Variants in AKAP6 observed in about 807,000 individuals in gnomAD.
AKAP6 encodes the protein A-kinase anchor protein 6.
AKAP6 carries 58 observed loss-of-function variants against 188.5 expected under a neutral mutation model. The observed-to-expected ratio is 0.31, with a 90% CI of 0.25 to 0.38. The LOEUF (loss-of-function observed/expected upper bound fraction) is 0.38, where lower values mean the gene tolerates loss of function less well. AKAP6 is among the 10% of genes least tolerant of loss of function. The pLI, the probability that AKAP6 is intolerant of heterozygous loss-of-function variation, is 1.00. For missense variants in AKAP6, 2,710 were observed against 2,740.0 expected (o/e 0.99, Z 0.24); for synonymous variants, 989 against 998.6 (o/e 0.99, Z 0.18).
chr14:32,741,115 A>G (rs2031655766), intron 11 of AKAP6, among the ~76,000 whole-genome samples: 1 of 143,200 alleles, frequency 7.0e-6, no homozygotes, highest in Admixed American at 7.0e-5. Flanking sequence ...AATTCCTGGT[A>G]TTTAATTTTA....
intron 9 of AKAP6, among the ~76,000 whole-genome samples, chr14:32,699,058 TC>T (rs1489295793): frequency 2.0e-5 from 3 of 152,148 alleles, no homozygotes; most frequent in Non-Finnish European, 4.4e-5. Context: ...CCTAGGTTGA[TC>T]CCCAAGGTAT....
intron 3 of AKAP6, among the ~76,000 whole-genome samples, chr14:32,540,407 C>T: frequency 6.6e-6 from 1 of 151,792 alleles, no homozygotes; most frequent in Non-Finnish European, 1.5e-5. Flanking sequence ...CCATGTTGCC[C>T]AGGTTAGTCT....
At chr14:32,404,758 A>G (rs1029684499) in intron 1 of AKAP6, among the ~76,000 whole-genome samples, 2 of 132,558 alleles carry the variant, frequency 1.5e-5, no homozygotes, top group African/African-American at 5.6e-5. Context: ...AAATTGGGTA[A>G]TTTTCAGAGT....
chr14:32,690,905 G>T (rs796389948), intron 8 of AKAP6, among the ~76,000 whole-genome samples: 2 of 152,082 alleles, frequency 1.3e-5, no homozygotes, highest in African/African-American at 2.4e-5. Context: ...ATACATTTTG[G>T]TTAAATGTTT....
At chr14:32,582,546 A>C (rs566968953) in intron 5 of AKAP6, among the ~76,000 whole-genome samples, 1 of 152,156 alleles carries the variant, frequency 6.6e-6, no homozygotes, top group African/African-American at 2.4e-5. Flanking sequence ...GCCTTGCTAG[A>C]CTGGGGAAGT....
chr14:32,588,289 A>C (rs1885338774), intron 5 of AKAP6, among the ~76,000 whole-genome samples: 1 of 152,132 alleles, frequency 6.6e-6, no homozygotes, highest in Non-Finnish European at 1.5e-5. Context: ...GCAGCTCCTT[A>C]ATATTTTATT....
At position 32,811,724 on chromosome 14, in the gene AKAP6, A is replaced by G. The variant is rs555301606; in HGVS notation, c.3589-9678A>G. 1.1e-4 allele frequency among the ~76,000 whole-genome samples: 17 copies of G among 152,300 alleles called. No individual in the cohort carries two copies. In the South Asian group the frequency reaches 3.5e-3, roughly 32 times the overall value. On this transcript the variant is annotated intron_variant, in intron 12 of 13. Transcript: ENST00000280979. The stretch of plus-strand genomic sequence containing the variant: ...TTTTTTACTTGAGAAGCCTTATATC[A>G]GAACTGTAAAGGGCACGGTTCCTAA...
At position 32,478,268 on chromosome 14, in the gene AKAP6, C is replaced by G. The variant is rs764526672; in HGVS notation, c.324+44451C>G. Reference sequence around the variant, plus strand: ...CGTACGTGTGCCCACAAGCCAAGTCCCTGTGTGATTGCCATCAGATGTGTC... The same window carrying G: ...CGTACGTGTGCCCACAAGCCAAGTCGCTGTGTGATTGCCATCAGATGTGTC... On this transcript the variant is annotated intron_variant, in intron 2 of 13. Coordinates refer to ENST00000280979, the MANE Select transcript of AKAP6 (RefSeq NM_004274.5). Among the ~76,000 whole-genome samples, 4 of 152,130 alleles carry G rather than the reference C, an allele frequency of 2.6e-5. No homozygotes were observed. In the South Asian group the frequency reaches 6.2e-4, roughly 24 times the overall value.
intron 3 of AKAP6, among the ~76,000 whole-genome samples, chr14:32,540,523 G>A (rs1198420998): frequency 1.3e-5 from 2 of 151,964 alleles, no homozygotes. Context: ...TTAAATGGAG[G>A]TATATTTAAG....
At chr14:32,589,462 A>T (rs1314567456) in intron 5 of AKAP6, among the ~76,000 whole-genome samples, 1 of 152,136 alleles carries the variant, frequency 6.6e-6, no homozygotes, top group Non-Finnish European at 1.5e-5. Flanking sequence ...GGTATGTGGG[A>T]ATGGTAGCGT....
chr14:32,628,418 T>C (rs1385413712), intron 7 of AKAP6, among the ~76,000 whole-genome samples: 1 of 151,294 alleles, frequency 6.6e-6, no homozygotes, highest in Non-Finnish European at 1.5e-5. Context: ...TGGGTCTTTA[T>C]TAGAATTTCA....
chr14:32,678,231 A>G (rs762605413), intron 7 of AKAP6, 80 bp from the exon 8 acceptor site: 10 of 1,452,230 alleles, frequency 6.9e-6, no homozygotes, highest in Non-Finnish European at 9.3e-6. Flanking sequence ...AAGAATTCCC[A>G]TTCTTTGAGT....
Position 32,735,716 on chromosome 14 carries a change from G to C in AKAP6, c.3206G>C (p.Arg1069Pro), listed in dbSNP as rs771837413. Residue 1069 changes from arginine to proline, a missense_variant, in exon 11 of 14, where the codon CGT (arginine) becomes CCT (proline). This residue lies in a region of AKAP6 where 2,473 missense variants were observed against 2,426.1 expected (regional missense o/e 1.02). Transcript: ENST00000280979. Reference protein sequence around the residue: ...TMAGHSGSSPRDLLSPESGSL... With the variant: ...TMAGHSGSSPPDLLSPESGSL... Reference sequence around the variant, plus strand: ...GCAGGGCACAGTGGGTCGAGTCCACGTGACCTGCTCTCTCCTGAAAGTGGA... The same window carrying C: ...GCAGGGCACAGTGGGTCGAGTCCACCTGACCTGCTCTCTCCTGAAAGTGGA... 6.2e-7 allele frequency: 1 copy of C among 1,613,428 alleles called. No homozygotes were observed. The highest frequency in any genetic ancestry group is 8.5e-7 in the Non-Finnish European group (1 of 1,179,750).
intron 7 of AKAP6, among the ~76,000 whole-genome samples, chr14:32,624,312 CAT>C (rs1411415148): frequency 1.3e-5 from 2 of 152,102 alleles, no homozygotes; most frequent in South Asian, 2.1e-4. Flanking sequence ...TTTCTTAAAA[CAT>C]ATGACATTTC....
rs377240215 is a variant in AKAP6 at position 32,546,122 on chromosome 14, A to G, written c.1469A>G (p.Lys490Arg). The G allele has an allele frequency of 3.7e-6, 6 of 1,613,882 alleles. No homozygotes were observed. The highest frequency in any genetic ancestry group is 1.7e-5 in the Admixed American group (1 of 59,958). ...SSLGRLNDCYKEKSRLKKPHK... is the reference protein window; with the variant it reads ...SSLGRLNDCYREKSRLKKPHK... ...CTGGGAAGGCTTAACGACTGCTATA[A>G]AGAGAAATCTCGACTTAAAAAGCCA... Residue 490 changes from lysine to arginine, a missense_variant, in exon 4 of 14, where the codon AAA becomes AGA. Physicochemically the swap from Lys to Arg is conservative, Grantham distance 26. Transcript: ENST00000280979.
chr14:32,618,610 G>C (rs558000500), intron 7 of AKAP6, among the ~76,000 whole-genome samples: 1 of 152,116 alleles, frequency 6.6e-6, no homozygotes, highest in African/African-American at 2.4e-5. Flanking sequence ...TGGGTACTTA[G>C]GTTGGTTCCA....
In AKAP6 at chr14:32,711,767, A is replaced by T. The variant is rs544044373; in HGVS notation, c.3000+15657A>T. Reference sequence around the variant, plus strand: ...TTCTTTGATCTTATTTTTAAGCTTCACTAAAGACCAGTGTTAGCAAAGGAA... The same window carrying T: ...TTCTTTGATCTTATTTTTAAGCTTCTCTAAAGACCAGTGTTAGCAAAGGAA... On this transcript the variant is annotated intron_variant, in intron 9 of 13. Coordinates refer to ENST00000280979, the MANE Select transcript of AKAP6 (RefSeq NM_004274.5). 2.2e-4 allele frequency among the ~76,000 whole-genome samples: 34 copies of T among 152,126 alleles called. No homozygotes were observed. In the Middle Eastern group the frequency reaches 0.01, roughly 46 times the overall value.
chr14:32,333,243 A>G (rs1484164563), intron 1 of AKAP6, among the ~76,000 whole-genome samples: 1 of 152,128 alleles, frequency 6.6e-6, no homozygotes, highest in Non-Finnish European at 1.5e-5. Flanking sequence ...GAAATAAAAT[A>G]GCCAGTGGAA....
In AKAP6 at chr14:32,735,649, A is replaced by G. The variant is rs375263323; in HGVS notation, c.3148-9A>G. The G allele has an allele frequency of 2.8e-5, 43 of 1,522,604 alleles. No homozygotes were observed. In the African/African-American group the frequency reaches 4.4e-4, roughly 16 times the overall value. The allele number at this position is 1,522,604 out of a possible 1,614,324, so 94.3% of individuals were successfully genotyped here. On this transcript the variant is annotated splice_polypyrimidine_tract_variant and intron_variant, in intron 10 of 13. Transcript: ENST00000280979. Reference sequence around the variant, plus strand: ...GTTTTATTTTTTGTTTTTTAATCTGATGCATTAGAAAACCCTAGGAGAGAA... The same window carrying G: ...GTTTTATTTTTTGTTTTTTAATCTGGTGCATTAGAAAACCCTAGGAGAGAA...
Sources: allele counts gnomAD v4.1 joint callset (sites outside exome capture counted in the v4.1 genomes callset), GRCh38; gene constraint gnomAD v4.1.1; regional missense constraint gnomAD v4.1.1; transcripts MANE v1.5; gene names NCBI Gene and HGNC (gene_info 2026-07-23, HGNC 2026-07-21).